Variants in ABCF2 observed in about 807,000 individuals in gnomAD.
The protein encoded by ABCF2 is ATP binding cassette subfamily F member 2.
Under a neutral mutation model 76.9 loss-of-function variants are expected in ABCF2, and 37 were observed. The observed-to-expected ratio is 0.48, with a 90% CI of 0.37 to 0.63. ABCF2 has a LOEUF of 0.63. ABCF2 is among the 30% of genes least tolerant of loss of function. The pLI is 0.00. For synonymous variants in ABCF2, 299 were observed against 283.7 expected (o/e 1.05, Z -0.54); for missense variants, 524 against 782.1 (o/e 0.67, Z 3.94).
intron 5 of ABCF2, among the ~76,000 whole-genome samples, chr7:151,223,318 G>A (rs188495728): frequency 0.012 from 1,813 of 152,190 alleles, 17 homozygotes; most frequent in Non-Finnish European, 0.019. Context: ...CATAATAGCC[G>A]TCTAACATTT....
Position 151,213,600 on chromosome 7 carries a change from C to T in ABCF2, c.*454G>A, listed in dbSNP as rs892168526. On this transcript the variant is annotated 3_prime_UTR_variant, in exon 15 of 15. Coordinates refer to ENST00000287844, the MANE Select transcript of ABCF2 (RefSeq NM_007189.3). ...ATAATTATTTAAAAACTGACCAGGA[C>T]GAAGGTCCTGGTCCGGAGCTCCAAA... 5.3e-5 allele frequency: 53 copies of T among 991,222 alleles called. No individual in the cohort carries two copies. The highest frequency in any genetic ancestry group is 5.4e-5 in the Non-Finnish European group (45 of 834,390). The allele number at this position is 991,222 out of a possible 1,614,324, so 61.4% of individuals were successfully genotyped here. A position where few individuals can be genotyped will look rare whatever the true frequency, so the allele number is the denominator to read the frequency against.
intron 11 of ABCF2, among the ~76,000 whole-genome samples, chr7:151,217,632 C>T (rs1802176964): frequency 6.6e-6 from 1 of 152,004 alleles, no homozygotes; most frequent in South Asian, 2.1e-4. Flanking sequence ...AACCCCATCT[C>T]TACTAAAATA....
At chr7:151,225,009 T>C in intron 2 of ABCF2, 21 bp from the exon 3 acceptor site, 1 of 1,610,026 alleles carries the variant, frequency 6.2e-7, no homozygotes, top group Non-Finnish European at 8.5e-7. Context: ...AAAAGCAGTT[T>C]GGGAAGATGG....
Position 151,213,674 on chromosome 7 carries a change from A to G in ABCF2, c.*380T>C. 9.7e-7 allele frequency: 1 copy of G among 1,031,386 alleles called. No homozygotes were observed. Among genetic ancestry groups the G allele is most frequent in the Non-Finnish European group, 1.2e-6 (1 of 861,746 alleles). 63.9% of individuals were successfully genotyped at this position (1,031,386 alleles called of 1,614,324 possible). A position where few individuals can be genotyped will look rare whatever the true frequency, so the allele number is the denominator to read the frequency against. On this transcript the variant is annotated 3_prime_UTR_variant, in exon 15 of 15. Transcript: ENST00000287844. Reference sequence around the variant, plus strand: ...CGGTGGGCTGGGGGGTACTCCTCCAACATCACCAAAACCCAGAAAACGAGG... The same window carrying G: ...CGGTGGGCTGGGGGGTACTCCTCCAGCATCACCAAAACCCAGAAAACGAGG...
chr7:151,226,520 T>C lies in ABCF2; in HGVS notation c.-42-20A>G, dbSNP rs988832645. On this transcript the variant is annotated intron_variant, in intron 1 of 14. Transcript: ENST00000287844. ...GGGAGCCTGAAGGAAGGCAAACAGA[T>C]ACCCCCAAACCCTAAACTTACTAGT... 4.7e-5 allele frequency: 74 copies of C among 1,563,300 alleles called. No individual in the cohort carries two copies. The highest frequency in any genetic ancestry group is 5.9e-5 in the Non-Finnish European group (68 of 1,149,836).
chr7:151,222,463 T>C, intron 6 of ABCF2, 58 bp downstream of exon 6: 1 of 1,408,200 alleles, frequency 7.1e-7, no homozygotes, highest in South Asian at 1.2e-5. Flanking sequence ...TGGGCATCCA[T>C]TTTCTAGATT....
Position 151,218,073 on chromosome 7 carries a change from C to T in ABCF2, c.1338+8G>A, listed in dbSNP as rs1310655129. The T allele has an allele frequency of 6.2e-7, 1 of 1,603,116 alleles. No homozygotes were observed. The highest frequency in any genetic ancestry group is 8.5e-7 in the Non-Finnish European group (1 of 1,170,104). On this transcript the variant is annotated splice_region_variant and intron_variant, in intron 11 of 14. Transcript: ENST00000287844. ...TTAGAGGGATCCACGCCCACCTTGG[C>T]ACCATACCTCTCCAGTTAGCAGCTT...
rs1394382224 is a variant in ABCF2, at chr7:151,226,395, G to A, written c.64C>T (p.Arg22Trp). 2 of 1,613,956 alleles carry A rather than the reference G, an allele frequency of 1.2e-6. No individual in the cohort carries two copies. The highest frequency in any genetic ancestry group is 4.5e-5 in the East Asian group (2 of 44,886). Residue 22 changes from arginine (R) to tryptophan (W), a missense_variant, in exon 2 of 15, where the codon CGG (arginine) becomes TGG (tryptophan). Physicochemically the swap from Arg to Trp is moderately radical, Grantham distance 101. Transcript: ENST00000287844. ...TTTTCTTCATGTCCTTTTCTGGGCC[G>A]CTGTCGAGCTTTGGCAGCCTCCTTC... ...KKKEAAKARQ[R>W]PRKGHEENGD...
chr7:151,214,826 T>C lies in ABCF2; in HGVS notation c.1734+53A>G. On this transcript the variant is annotated intron_variant, in intron 14 of 14. Transcript: ENST00000287844. This position sits in a 1 kb window ranked among gnomAD's most constrained non-coding sequence, Gnocchi z 4.9. ...CACCCTCCACATGCCATGACTACCC[T>C]ACCCAACCCCCTAGAAGCTCTGCTG... 1 of 1,578,286 alleles carries C rather than the reference T, an allele frequency of 6.3e-7. No homozygotes were observed. The highest frequency in any genetic ancestry group is 1.7e-5 in the Admixed American group (1 of 59,902).
Position 151,224,125 on chromosome 7 carries a change from A to T in ABCF2, c.368-11T>A. 2 of 1,613,946 alleles carry T rather than the reference A, an allele frequency of 1.2e-6. No homozygotes were observed. The highest frequency in any genetic ancestry group is 1.3e-5 in the African/African-American group (1 of 75,020). On this transcript the variant is annotated splice_polypyrimidine_tract_variant and intron_variant, in intron 3 of 14. Coordinates refer to ENST00000287844, the MANE Select transcript of ABCF2 (RefSeq NM_007189.3). Reference sequence around the variant, plus strand: ...GCAGCATGGACTTTCCTGAGAGGGGAGAGCAGCAGACGCTTGGTACAGTGA... The same window carrying T: ...GCAGCATGGACTTTCCTGAGAGGGGTGAGCAGCAGACGCTTGGTACAGTGA...
intron 11 of ABCF2, 38 bp downstream of exon 11, chr7:151,218,043 T>C (rs1357005908): frequency 6.8e-7 from 1 of 1,475,990 alleles, no homozygotes; most frequent in Non-Finnish European, 9.5e-7. Context: ...TCGCAAGGCC[T>C]AATCTTAGAG....
intron 8 of ABCF2, 84 bp from the exon 9 acceptor site, chr7:151,218,957 C>T: frequency 1.9e-6 from 3 of 1,608,720 alleles, no homozygotes; most frequent in Non-Finnish European, 2.5e-6. Flanking sequence ...TTGATCGTAA[C>T]TTCTTCCCGA....
Position 151,211,732 on chromosome 7 carries a change from T to A in ABCF2, c.*2322A>T. ...TTATCCCAGCAGCCCACTCTCCAGA[T>A]GCCATTCTCCCCTGAACCAAGGCTC... On this transcript the variant is annotated 3_prime_UTR_variant, in exon 15 of 15. Coordinates refer to ENST00000287844, the MANE Select transcript of ABCF2 (RefSeq NM_007189.3). 1 of 985,380 alleles carries A rather than the reference T, an allele frequency of 1.0e-6. No individual in the cohort carries two copies. Among genetic ancestry groups the A allele is most frequent in the African/African-American group, 1.7e-5 (1 of 57,316 alleles). 61.0% of individuals were successfully genotyped at this position (985,380 alleles called of 1,614,324 possible). A position where few individuals can be genotyped will look rare whatever the true frequency, so the allele number is the denominator to read the frequency against.
chr7:151,218,959 T>G lies in ABCF2; in HGVS notation c.1018-86A>C, dbSNP rs1023583718. On this transcript the variant is annotated intron_variant, in intron 8 of 14. Transcript: ENST00000287844. ...CAGGGTAAAAATGTTGATCGTAACT[T>G]CTTCCCGACATCCTCCATCACTACC... 1.1e-5 allele frequency: 17 copies of G among 1,608,546 alleles called. No individual in the cohort carries two copies. In the African/African-American group the frequency reaches 1.7e-4, roughly 16 times the overall value.
chr7:151,215,599 C>T lies in ABCF2; in HGVS notation c.1530+5G>A. The T allele has an allele frequency of 6.2e-7, 1 of 1,614,022 alleles. No homozygotes were observed. The highest frequency in any genetic ancestry group is 1.3e-5 in the African/African-American group (1 of 75,038). Reference sequence around the variant, plus strand: ...GGCATCCTCACCACACCCTCCTTTACTGACCTGTTGTTTCCCAGTGAGACC... The same window carrying T: ...GGCATCCTCACCACACCCTCCTTTATTGACCTGTTGTTTCCCAGTGAGACC... On this transcript the variant is annotated splice_donor_5th_base_variant and intron_variant, in intron 13 of 14. Coordinates refer to ENST00000287844, the MANE Select transcript of ABCF2 (RefSeq NM_007189.3). The surrounding 1 kb of genome is among the most constrained non-coding windows in gnomAD (Gnocchi z 4.6).
Position 151,218,830 on chromosome 7 carries a change from C to A in ABCF2, c.1061G>T (p.Arg354Leu). The A allele has an allele frequency of 6.2e-7, 1 of 1,613,670 alleles. No homozygotes were observed. Among genetic ancestry groups the A allele is most frequent in the Non-Finnish European group, 8.5e-7 (1 of 1,179,970 alleles). The change falls in exon 9 of 15, where the codon CGG becomes CTG. Residue 354 changes from arginine to leucine, a missense_variant. This residue lies in a region of ABCF2 where 194 missense variants were observed against 348.6 expected (regional missense o/e 0.56). Coordinates refer to ENST00000287844, the MANE Select transcript of ABCF2 (RefSeq NM_007189.3). ...CGTCTTCTCCTTGCTCTGGGCCTGC[C>A]GGGCCAGCTTGGCACTGCCATGACC... is the stretch of plus-strand genomic sequence containing the variant. ...RFGHGSAKLA[R>L]QAQSKEKTLQ...
intron 7 of ABCF2, among the ~76,000 whole-genome samples, chr7:151,220,960 G>A (rs1430044392): frequency 2.6e-5 from 4 of 152,214 alleles, no homozygotes; most frequent in Admixed American, 1.3e-4. Context: ...CCTGGGTGAC[G>A]GAATGAGATT....
chr7:151,224,935 C>A lies in ABCF2; in HGVS notation c.208G>T (p.Ala70Ser), dbSNP rs1302499079. Residue 70 changes from alanine to serine, a missense_variant, in exon 3 of 15, where the codon GCT becomes TCT. Around this residue, in one of 2 missense-constraint regions of ABCF2, gnomAD observed 330 missense variants for 433.6 expected, o/e 0.76. Coordinates refer to ENST00000287844, the MANE Select transcript of ABCF2 (RefSeq NM_007189.3). ...GCCAGGACGCCAGTGACAGCTCGAG[C>A]AGCAGCTTTCTTCATCTCAAAGTCC... Reference protein sequence around the residue: ...LEDFEMKKAAARAVTGVLASH... With the variant: ...LEDFEMKKAASRAVTGVLASH... 1 of 1,614,184 alleles carries A rather than the reference C, an allele frequency of 6.2e-7. No individual in the cohort carries two copies. The highest frequency in any genetic ancestry group is 1.7e-5 in the Admixed American group (1 of 60,024).
chr7:151,221,824 C>T, intron 6 of ABCF2, 144 bp from the exon 7 acceptor site: 1 of 649,400 alleles, frequency 1.5e-6, no homozygotes, highest in Non-Finnish European at 2.8e-6. Flanking sequence ...AGCACCTAAG[C>T]CACGACTCGA....
Sources: gnomAD v4.1 joint callset for allele counts (sites outside exome capture counted in the v4.1 genomes callset) on GRCh38, gnomAD v4.1.1 for gene constraint, gnomAD v4.1.1 regional missense constraint, Gnocchi (gnomAD v3.1) non-coding constraint, MANE v1.5 for transcripts, NCBI Gene and HGNC (gene_info 2026-07-23, HGNC 2026-07-21) for gene names.